ST3GAL1: variants seen among roughly 807,000 people sequenced by gnomAD.
The protein encoded by ST3GAL1 is CMP-N-acetylneuraminate-beta-galactosamide-alpha-2,3-sialyltransferase 1.
ST3GAL1 carries 16 observed loss-of-function variants against 34.1 expected under a neutral mutation model. The ratio of observed to expected loss-of-function variants is 0.47; its 90% CI spans 0.32 to 0.71. The LOEUF (loss-of-function observed/expected upper bound fraction) is 0.71. ST3GAL1 is among the 30% of genes least tolerant of loss of function. ST3GAL1 has a pLI of 0.04. For missense variants in ST3GAL1, 353 were observed against 447.4 expected (o/e 0.79, Z 1.90); for synonymous variants, 191 against 184.7 (o/e 1.03, Z -0.28).
At position 133,463,325 on chromosome 8, in the gene ST3GAL1, C is replaced by T. The variant is rs1586582677; in HGVS notation, c.729+89G>A. On this transcript the variant is annotated intron_variant, in intron 8 of 9. Transcript: ENST00000522652. ...CTCCAGCGGCCTGGGGATCTGGGGG[C>T]TGTCTTGCAACTCAATGCCGTACCT... 6 of 1,466,598 alleles carry T rather than the reference C, an allele frequency of 4.1e-6. No homozygotes were observed. In the East Asian group the frequency reaches 9.1e-5, roughly 22 times the overall value. 90.8% of individuals were successfully genotyped at this position (1,466,598 alleles called of 1,614,324 possible). A position where few individuals can be genotyped will look rare whatever the true frequency, so the allele number is the denominator to read the frequency against.
At chr8:133,542,078 T>A (rs1442048317) in intron 2 of ST3GAL1, among the ~76,000 whole-genome samples, 1 of 150,756 alleles carries the variant, frequency 6.6e-6, no homozygotes, top group Admixed American at 6.6e-5. Flanking sequence ...TAAATGTGGG[T>A]ATCTGTGTGA....
chr8:133,567,825 T>C (rs1819448081), intron 1 of ST3GAL1, among the ~76,000 whole-genome samples: 1 of 152,102 alleles, frequency 6.6e-6, no homozygotes, highest in South Asian at 2.1e-4. Context: ...AGGATGATGC[T>C]GGCTGAAGCA....
chr8:133,535,573 G>A (rs1818286825), intron 2 of ST3GAL1, among the ~76,000 whole-genome samples: 1 of 147,858 alleles, frequency 6.8e-6, no homozygotes, highest in African/African-American at 2.6e-5. Flanking sequence ...TCTGTTCATA[G>A]CTCCCTGCAG....
At position 133,482,000 on chromosome 8, in the gene ST3GAL1, T is replaced by C. The variant is rs548278415; in HGVS notation, c.-373-5400A>G. ...CCTGAACTCACTGACTCCCTCTACC[T>C]ACCTACCTATCTCTGTTTTGTTTCC... On this transcript the variant is annotated intron_variant, in intron 3 of 9. Coordinates refer to ENST00000522652, the MANE Select transcript of ST3GAL1 (RefSeq NM_173344.3). Among the ~76,000 whole-genome samples the C allele has an allele frequency of 2.0e-5, 3 of 152,198 alleles. No individual in the cohort carries two copies. The South Asian group carries it at 6.2e-4, about 32-fold the overall frequency.
rs568276256 is a variant in ST3GAL1 at position 133,519,494 on chromosome 8, T to C, written c.-428-20305A>G. Among the ~76,000 whole-genome samples the C allele has an allele frequency of 9.2e-5, 14 of 152,372 alleles. No individual in the cohort carries two copies. In the South Asian group the frequency reaches 2.5e-3, roughly 27 times the overall value. On this transcript the variant is annotated intron_variant, in intron 2 of 9. Coordinates refer to ENST00000522652, the MANE Select transcript of ST3GAL1 (RefSeq NM_173344.3). ...ATGTATGTTAAAGGAAGATAAATTA[T>C]GGCTCACAAAGAATTTAAAATAGCA...
chr8:133,464,714 G>C, intron 7 of ST3GAL1, 64 bp downstream of exon 7: 1 of 1,541,850 alleles, frequency 6.5e-7, no homozygotes, highest in Non-Finnish European at 8.8e-7. Flanking sequence ...CCACGGCAGG[G>C]TGGGGGGACA....
intron 2 of ST3GAL1, among the ~76,000 whole-genome samples, chr8:133,534,490 C>T (rs900062214): frequency 1.3e-5 from 2 of 152,094 alleles, no homozygotes; most frequent in Non-Finnish European, 2.9e-5. Context: ...TCAGAAAGGG[C>T]CGTGGGATAT....
At position 133,570,337 on chromosome 8, in the gene ST3GAL1, G is replaced by A. The variant is rs566874811; in HGVS notation, c.-582+1356C>T. The A allele has an allele frequency of 1.3e-5, 2 of 152,398 alleles. No individual in the cohort carries two copies. Among genetic ancestry groups the A allele is most frequent in the Admixed American group, 6.5e-5 (1 of 15,308 alleles). 9.4% of individuals were successfully genotyped at this position (152,398 alleles called of 1,614,324 possible). On this transcript the variant is annotated intron_variant, in intron 1 of 9. Coordinates refer to ENST00000522652, the MANE Select transcript of ST3GAL1 (RefSeq NM_173344.3). The surrounding 1 kb of genome is among the most constrained non-coding windows in gnomAD (Gnocchi z 5.6). Reference sequence around the variant, plus strand: ...GGGCGAATGCCTGATGCAGGGACGCGGCGAGCCAGTCACTGCCCTCAGGGT... The same window carrying A: ...GGGCGAATGCCTGATGCAGGGACGCAGCGAGCCAGTCACTGCCCTCAGGGT...
rs1815276232 is a variant in ST3GAL1, at chr8:133,455,863, T to C, written c.*3901A>G. The C allele has an allele frequency of 6.6e-6, 1 of 152,238 alleles. No individual in the cohort carries two copies. Among genetic ancestry groups the C allele is most frequent in the Admixed American group, 6.5e-5 (1 of 15,290 alleles). The allele number at this position is 152,238 out of a possible 1,614,324, so 9.4% of individuals were successfully genotyped here. A position where few individuals can be genotyped will look rare whatever the true frequency, so the allele number is the denominator to read the frequency against. On this transcript the variant is annotated 3_prime_UTR_variant, in exon 10 of 10. Transcript: ENST00000522652. ...AAACATCCCAGTTCCAAATGTTCTTTGTGGTTTGAATCCTGGCAGAGGCCA... is the reference window on the plus strand; with the variant it reads ...AAACATCCCAGTTCCAAATGTTCTTCGTGGTTTGAATCCTGGCAGAGGCCA...
chr8:133,465,418 C>T (rs746086421), intron 6 of ST3GAL1, among the ~76,000 whole-genome samples: 10 of 152,152 alleles, frequency 6.6e-5, no homozygotes, highest in Admixed American at 3.3e-4. Context: ...CACTTCTCAG[C>T]GTGGAACACT....
chr8:133,476,963 C>T (rs931339402), intron 3 of ST3GAL1, among the ~76,000 whole-genome samples: 1 of 152,242 alleles, frequency 6.6e-6, no homozygotes, highest in Non-Finnish European at 1.5e-5. Flanking sequence ...CTACTTCATT[C>T]TCTTCCAGAT....
At chr8:133,564,228 G>A (rs1031456442) in intron 1 of ST3GAL1, among the ~76,000 whole-genome samples, 4 of 152,014 alleles carry the variant, frequency 2.6e-5, no homozygotes, top group Admixed American at 6.5e-5. Flanking sequence ...AAGTTCTCTC[G>A]GCTTTAATCC....
At chr8:133,562,927 T>A (rs1819290088) in intron 1 of ST3GAL1, among the ~76,000 whole-genome samples, 1 of 151,782 alleles carries the variant, frequency 6.6e-6, no homozygotes, top group Non-Finnish European at 1.5e-5. Context: ...TTTTGTTTTT[T>A]TATGTGGAGT....
intron 2 of ST3GAL1, among the ~76,000 whole-genome samples, chr8:133,531,814 GAAAAAAAAAA>G (rs55909710): frequency 1.0e-5 from 1 of 99,876 alleles, no homozygotes; most frequent in African/African-American, 3.5e-5. Context: ...CTTAAAAACA[GAAAAAAAAAA>G]AAAAAAAAAA....
chr8:133,547,018 A>AAAGG (rs1554619447), intron 1 of ST3GAL1, among the ~76,000 whole-genome samples: 2 of 147,758 alleles, frequency 1.4e-5, no homozygotes, highest in African/African-American at 5.0e-5. Flanking sequence ...AAAAAAAAAA[A>AAAGG]AAGACTTCAT....
chr8:133,497,367 C>A (rs926515753), intron 3 of ST3GAL1, among the ~76,000 whole-genome samples: 29 of 150,994 alleles, frequency 1.9e-4, no homozygotes, highest in African/African-American at 6.6e-4. Flanking sequence ...TCACCAAACA[C>A]AGAAATTGTG....
intron 2 of ST3GAL1, among the ~76,000 whole-genome samples, chr8:133,535,337 G>A (rs1818277470): frequency 6.6e-6 from 1 of 152,150 alleles, no homozygotes; most frequent in South Asian, 2.1e-4. Context: ...GTGTCTAGCA[G>A]GGTTCTAAGC....
intron 2 of ST3GAL1, among the ~76,000 whole-genome samples, chr8:133,527,044 C>A (rs1817997176): frequency 6.6e-6 from 1 of 152,160 alleles, no homozygotes; most frequent in Non-Finnish European, 1.5e-5. Flanking sequence ...GATCCCTGAC[C>A]TGACTGATTG....
chr8:133,477,741 T>C (rs192598520), intron 3 of ST3GAL1, among the ~76,000 whole-genome samples: 1 of 152,156 alleles, frequency 6.6e-6, no homozygotes, highest in Admixed American at 6.5e-5. Context: ...ACAACTGTGG[T>C]TGCACGTCTG....
Sources: gnomAD v4.1 joint callset for allele counts (sites outside exome capture counted in the v4.1 genomes callset) on GRCh38, gnomAD v4.1.1 for gene constraint, Gnocchi (gnomAD v3.1) non-coding constraint, MANE v1.5 for transcripts, NCBI Gene and HGNC (gene_info 2026-07-23, HGNC 2026-07-21) for gene names.